The following DTWD2 variants were observed in gnomAD, a reference collection of about 807,000 sequenced individuals.
The protein encoded by DTWD2 is tRNA-uridine aminocarboxypropyltransferase 2.
A neutral mutation model predicts 31.8 loss-of-function variants in DTWD2; 39 were observed. That is an observed-to-expected ratio of 1.22 (90% CI 0.95 to 1.60). The LOEUF is 1.60. Ranked by LOEUF, DTWD2 falls within the 40% of genes most tolerant of loss-of-function variation. The pLI, the probability that DTWD2 is intolerant of heterozygous loss-of-function variation, is 0.00. For synonymous variants in DTWD2, 180 were observed against 142.8 expected (o/e 1.26, Z -1.86); for missense variants, 515 against 381.5 (o/e 1.35, Z -2.92).
At position 118,923,381 on chromosome 5, in the gene DTWD2, T is replaced by G. The variant is rs188288391; in HGVS notation, c.597+5156A>C. On this transcript the variant is annotated intron_variant, in intron 4 of 5. Transcript: ENST00000510708. ...AATGCAGATGCCAGGGAGAAAAAAC[T>G]TCCTGGTCATGCTCACTAAGAGACA... Among the ~76,000 whole-genome samples, 282 of 152,232 alleles carry G rather than the reference T, an allele frequency of 1.9e-3. 1 individual carries two copies. Among genetic ancestry groups the G allele is most frequent in the Admixed American group, 2.9e-3 (44 of 15,302 alleles).
chr5:118,886,382 T>C (rs1752868400), intron 4 of DTWD2, among the ~76,000 whole-genome samples: 1 of 152,138 alleles, frequency 6.6e-6, no homozygotes, highest in South Asian at 2.1e-4. Flanking sequence ...ATGAAATAAA[T>C]CCCTGTGAAG....
At chr5:118,856,193 C>T (rs1027962148) in intron 4 of DTWD2, among the ~76,000 whole-genome samples, 1 of 152,066 alleles carries the variant, frequency 6.6e-6, no homozygotes, top group Non-Finnish European at 1.5e-5. Flanking sequence ...AATTCTCTTA[C>T]TTTTTGGTAT....
At position 118,870,774 on chromosome 5, in the gene DTWD2, C is replaced by A. The variant is rs74444964; in HGVS notation, c.598-22556G>T. 5.0e-3 allele frequency among the ~76,000 whole-genome samples: 759 copies of A among 152,196 alleles called. 3 individuals are homozygous for A. The highest frequency in any genetic ancestry group is 6.7e-3 in the Non-Finnish European group (455 of 68,010). The stretch of plus-strand genomic sequence containing the variant: ...AGTTTGCTGCATCAATGGACTCTTC[C>A]TTCCATGAAGGACTTCTCTGTAGCA... On this transcript the variant is annotated intron_variant, in intron 4 of 5. Coordinates refer to ENST00000510708, the MANE Select transcript of DTWD2 (RefSeq NM_173666.4).
chr5:118,963,517 C>A (rs1354204463), intron 1 of DTWD2, among the ~76,000 whole-genome samples: 1 of 152,180 alleles, frequency 6.6e-6, no homozygotes, highest in East Asian at 1.9e-4. Flanking sequence ...AGATTCTGAA[C>A]TCCCTTCTTT....
Position 118,837,802 on chromosome 5 carries a change from C to T in DTWD2, c.*3115G>A, listed in dbSNP as rs1475347419. On this transcript the variant is annotated 3_prime_UTR_variant, in exon 6 of 6. Transcript: ENST00000510708. ...AGTGTGGTGGCATGGGGCTGAGGTT[C>T]TAGCTACTTGGGAGGCTGAGGCAGG... 6.6e-6 allele frequency: 1 copy of T among 152,108 alleles called. No homozygotes were observed. The highest frequency in any genetic ancestry group is 1.9e-4 in the East Asian group (1 of 5,188). 9.4% of individuals were successfully genotyped at this position (152,108 alleles called of 1,614,324 possible). A position where few individuals can be genotyped will look rare whatever the true frequency, so the allele number is the denominator to read the frequency against.
chr5:118,887,962 A>T (rs1249521148), intron 4 of DTWD2, among the ~76,000 whole-genome samples: 1 of 152,042 alleles, frequency 6.6e-6, no homozygotes, highest in Non-Finnish European at 1.5e-5. Context: ...TCTTAATGCA[A>T]CCCTTACTCA....
intron 4 of DTWD2, among the ~76,000 whole-genome samples, chr5:118,878,861 C>T (rs1715317132): frequency 6.6e-6 from 1 of 152,164 alleles, no homozygotes. Flanking sequence ...AGAAGACATA[C>T]ATGTGGCCAA....
At chr5:118,915,813 T>C (rs574656603) in intron 4 of DTWD2, among the ~76,000 whole-genome samples, 62 of 152,324 alleles carry the variant, frequency 4.1e-4, no homozygotes, top group Non-Finnish European at 7.8e-4. Context: ...TCTAGGTATT[T>C]CAGGATCTAG....
chr5:118,945,365 T>G (rs978282298), intron 1 of DTWD2, among the ~76,000 whole-genome samples: 1 of 152,198 alleles, frequency 6.6e-6, no homozygotes, highest in African/African-American at 2.4e-5. Flanking sequence ...ATTCTCTTCC[T>G]TTAGGGGCAA....
At chr5:118,926,026 A>G (rs943071747) in intron 4 of DTWD2, among the ~76,000 whole-genome samples, 1 of 152,112 alleles carries the variant, frequency 6.6e-6, no homozygotes, top group African/African-American at 2.4e-5. Context: ...TGAGCCCTGG[A>G]GTTCAAGGCC....
At chr5:118,923,989 TGGC>T (rs1753759029) in intron 4 of DTWD2, among the ~76,000 whole-genome samples, 2 of 152,220 alleles carry the variant, frequency 1.3e-5, no homozygotes, top group Non-Finnish European at 2.9e-5. Context: ...CTGGGAAGAC[TGGC>T]TTCTGCAGCC....
chr5:118,920,492 T>G (rs1753677750), intron 4 of DTWD2, among the ~76,000 whole-genome samples: 1 of 152,122 alleles, frequency 6.6e-6, no homozygotes, highest in South Asian at 2.1e-4. Context: ...GAGATTAACT[T>G]TTGCTTTAAA....
At chr5:118,843,807 C>A (rs551214036) in intron 5 of DTWD2, among the ~76,000 whole-genome samples, 118 of 152,352 alleles carry the variant, frequency 7.7e-4, no homozygotes, top group African/African-American at 2.7e-3. Flanking sequence ...TCTGTTGGTA[C>A]TCCCTACAGC....
chr5:118,912,990 T>C lies in DTWD2; in HGVS notation c.597+15547A>G, dbSNP rs117654584. ...AACGAAAGTCAACACTCGGTGCTGA[T>C]AGTTTGCAGGTATAGTTAGGGCTCA... is the stretch of plus-strand genomic sequence containing the variant. On this transcript the variant is annotated intron_variant, in intron 4 of 5. Transcript: ENST00000510708. Among the ~76,000 whole-genome samples the C allele has an allele frequency of 2.4e-4, 36 of 152,292 alleles. No homozygotes were observed. The East Asian group carries it at 4.2e-3, about 18-fold the overall frequency.
chr5:118,937,523 T>A (rs1754072461), intron 3 of DTWD2, among the ~76,000 whole-genome samples: 1 of 152,184 alleles, frequency 6.6e-6, no homozygotes, highest in Non-Finnish European at 1.5e-5. Context: ...AAACTTTCCC[T>A]CCCTGTGTGG....
At chr5:118,909,694 T>A (rs1196986474) in intron 4 of DTWD2, among the ~76,000 whole-genome samples, 1 of 152,106 alleles carries the variant, frequency 6.6e-6, no homozygotes, top group Non-Finnish European at 1.5e-5. Flanking sequence ...TAAGCACAGA[T>A]AAGAGTCCAA....
At chr5:118,959,471 G>C (rs914484503) in intron 1 of DTWD2, among the ~76,000 whole-genome samples, 1 of 152,036 alleles carries the variant, frequency 6.6e-6, no homozygotes, top group East Asian at 1.9e-4. Context: ...AAATAGAAAA[G>C]CATCCCAAGC....
intron 4 of DTWD2, among the ~76,000 whole-genome samples, chr5:118,885,860 G>T (rs1752852333): frequency 2.0e-5 from 3 of 152,070 alleles, no homozygotes; most frequent in African/African-American, 2.4e-5. Flanking sequence ...AGCTACTTAG[G>T]GGGCTGAGGT....
chr5:118,850,479 A>C (rs1231364333), intron 4 of DTWD2, among the ~76,000 whole-genome samples: 3 of 76,446 alleles, frequency 3.9e-5, no homozygotes, highest in East Asian at 5.2e-4. Context: ...CCCCACCACA[A>C]AAAAAAAAAA....
Sources: gnomAD v4.1 joint callset for allele counts (sites outside exome capture counted in the v4.1 genomes callset) on GRCh38, gnomAD v4.1.1 for gene constraint, MANE v1.5 for transcripts, NCBI Gene and HGNC (gene_info 2026-07-23, HGNC 2026-07-21) for gene names.